Variants in CEP83 observed in about 807,000 individuals in gnomAD.
CEP83 encodes centrosomal protein 83, also known as centrosomal protein of 83 kDa.
In CEP83, 70 loss-of-function variants were observed where a neutral mutation model predicts 101.9. That is an observed-to-expected ratio of 0.69 (90% CI 0.57 to 0.84). The LOEUF is 0.84. Ranked by LOEUF, CEP83 falls within the 40% of genes least tolerant of loss-of-function variation. The pLI is 0.00. For synonymous variants in CEP83, 264 were observed against 267.9 expected (o/e 0.99, Z 0.14); for missense variants, 715 against 787.2 (o/e 0.91, Z 1.10).
intron 4 of CEP83, among the ~76,000 whole-genome samples, chr12:94,406,753 C>A (rs1022472661): frequency 6.6e-6 from 1 of 151,932 alleles, no homozygotes; most frequent in African/African-American, 2.4e-5. Flanking sequence ...AACCCCATGT[C>A]TACTAACAAT....
At chr12:94,431,268 C>T (rs1052872015) in intron 2 of CEP83, among the ~76,000 whole-genome samples, 8 of 152,058 alleles carry the variant, frequency 5.3e-5, no homozygotes, top group African/African-American at 1.9e-4. Context: ...TGGATCCCTA[C>T]CTCTCACATA....
At chr12:94,446,944 G>A (rs1166374811) in intron 1 of CEP83, among the ~76,000 whole-genome samples, 1 of 152,052 alleles carries the variant, frequency 6.6e-6, no homozygotes, top group African/African-American at 2.4e-5. Context: ...TTAAAAAGGA[G>A]CGAGAGAAAA....
At chr12:94,418,251 C>T (rs1193165496) in intron 2 of CEP83, among the ~76,000 whole-genome samples, 1 of 152,118 alleles carries the variant, frequency 6.6e-6, no homozygotes. Context: ...AGTCCAGCTA[C>T]TCAGGAGGCT....
At chr12:94,343,891 T>C (rs1165183846) in intron 11 of CEP83, among the ~76,000 whole-genome samples, 2 of 152,224 alleles carry the variant, frequency 1.3e-5, no homozygotes, top group African/African-American at 4.8e-5. Context: ...CATTTCGAGA[T>C]AGGGCCTTTA....
At chr12:94,369,893 C>A in intron 9 of CEP83, 29 bp downstream of exon 9, 1 of 1,100,884 alleles carries the variant, frequency 9.1e-7, no homozygotes, top group African/African-American at 1.6e-5. Flanking sequence ...TAAGCAGCAG[C>A]AGCAGCAGCA....
chr12:94,404,359 A>G (rs562545015), intron 4 of CEP83, among the ~76,000 whole-genome samples: 2 of 152,238 alleles, frequency 1.3e-5, no homozygotes, highest in East Asian at 3.9e-4. Flanking sequence ...TAGAACCCTT[A>G]TATAGAAAGC....
At chr12:94,422,489 T>C (rs533113941) in intron 2 of CEP83, among the ~76,000 whole-genome samples, 1 of 152,332 alleles carries the variant, frequency 6.6e-6, no homozygotes, top group South Asian at 2.1e-4. Context: ...GTTGTGTATG[T>C]GGTTATATGC....
At chr12:94,405,456 T>C (rs2063481269) in intron 4 of CEP83, among the ~76,000 whole-genome samples, 1 of 152,148 alleles carries the variant, frequency 6.6e-6, no homozygotes, top group Admixed American at 6.5e-5. Flanking sequence ...AAGTAGTAGA[T>C]AAAACAAGCC....
At chr12:94,398,722 C>T (rs2063059391) in intron 6 of CEP83, among the ~76,000 whole-genome samples, 1 of 152,170 alleles carries the variant, frequency 6.6e-6, no homozygotes, top group Non-Finnish European at 1.5e-5. Context: ...TTTCTTCTTG[C>T]AGAGAGCCTA....
rs957031917 is a variant in CEP83, at chr12:94,445,025, C to CA, written c.-154-9699dup. 1.4e-3 allele frequency among the ~76,000 whole-genome samples: 193 copies of CA among 141,318 alleles called. 1 individual carries two copies. Among genetic ancestry groups the CA allele is most frequent in the East Asian group, 4.6e-3 (23 of 4,972 alleles). The allele number at this position is 141,318 out of a possible 152,430, so 92.7% of individuals were successfully genotyped here. On this transcript the variant is annotated intron_variant, in intron 1 of 16. Coordinates refer to ENST00000397809, the MANE Select transcript of CEP83 (RefSeq NM_016122.3). Reference sequence around the variant, plus strand: ...GGAAACACAAGGGACCCAGAAGAGCCAAAAAAAAAACTTTGAAAAAGAACA... The same window carrying CA: ...GGAAACACAAGGGACCCAGAAGAGCCAAAAAAAAAAACTTTGAAAAAGAACA...
At chr12:94,303,732 C>CT (rs201354613), downstream of CEP83, 73,151 of 834,440 alleles carry the variant, frequency 0.088, 15 homozygotes, top group South Asian at 0.098. Flanking sequence ...GTGATGGTTG[C>CT]TTTTTTTTTT....
intron 6 of CEP83, among the ~76,000 whole-genome samples, chr12:94,391,703 G>A (rs1210452228): frequency 6.6e-6 from 1 of 151,960 alleles, no homozygotes; most frequent in African/African-American, 2.4e-5. Flanking sequence ...AAAGAGTCAA[G>A]ACCCATCAGT....
chr12:94,363,539 A>T (rs1050636487), intron 11 of CEP83, among the ~76,000 whole-genome samples: 2 of 152,226 alleles, frequency 1.3e-5, no homozygotes, highest in Admixed American at 1.3e-4. Flanking sequence ...GTTTGTACAC[A>T]CATGTTCATA....
intron 14 of CEP83, 84 bp downstream of exon 14, chr12:94,331,616 C>T (rs765380058): frequency 1.2e-5 from 14 of 1,203,794 alleles, no homozygotes; most frequent in Non-Finnish European, 1.7e-5. Flanking sequence ...TCGTGATCCA[C>T]CTGCCTCCGC....
intron 11 of CEP83, 121 bp downstream of exon 11, chr12:94,367,672 AT>A (rs754936038): frequency 2.5e-5 from 13 of 525,516 alleles, no homozygotes; most frequent in Non-Finnish European, 3.8e-5. Flanking sequence ...TTACATAGGT[AT>A]TTGTATTTGG....
chr12:94,376,582 CA>C (rs747568150), intron 7 of CEP83, among the ~76,000 whole-genome samples: 1 of 151,454 alleles, frequency 6.6e-6, no homozygotes, highest in Non-Finnish European at 1.5e-5. Flanking sequence ...TGCAGGTTGT[CA>C]AAAAAGTTTC....
At chr12:94,287,598 GTTGT>G in the CEP83 span, among the ~76,000 whole-genome samples, 1 of 152,212 alleles carries the variant, frequency 6.6e-6, no homozygotes, top group Admixed American at 6.5e-5. Context: ...AGGCAGAAAT[GTTGT>G]TTAACCGCTT....
chr12:94,297,427 C>A, the CEP83 span: 2 of 1,602,918 alleles, frequency 1.2e-6, no homozygotes, highest in Non-Finnish European at 1.7e-6. Context: ...GACCAAGGTA[C>A]ACTTACTGTT....
chr12:94,311,040 A>T lies in CEP83; in HGVS notation c.1812-933T>A, dbSNP rs374030291. Among the ~76,000 whole-genome samples the T allele has an allele frequency of 6.6e-4, 101 of 152,206 alleles. 1 individual carries two copies. In the South Asian group the frequency reaches 0.019, roughly 29 times the overall value. ...TTGGAACTTTCAGCCCCACTCTCCA[A>T]CCCCACCCCATGACATCTGGGAAGG... On this transcript the variant is annotated intron_variant, in intron 15 of 16. Transcript: ENST00000397809.
Sources: gnomAD v4.1 joint callset for allele counts (sites outside exome capture counted in the v4.1 genomes callset) on GRCh38, gnomAD v4.1.1 for gene constraint, MANE v1.5 for transcripts, NCBI Gene and HGNC (gene_info 2026-07-23, HGNC 2026-07-21) for gene names.